The following GUCA1A variants were observed in gnomAD, a reference collection of about 807,000 sequenced individuals.
The protein encoded by GUCA1A is guanylyl cyclase-activating protein 1.
Under a neutral mutation model 18.5 loss-of-function variants are expected in GUCA1A, and 14 were observed. That is an observed-to-expected ratio of 0.76 (90% CI 0.50 to 1.18). The LOEUF (loss-of-function observed/expected upper bound fraction) is 1.18. Ranked by LOEUF, GUCA1A falls within the 50% of genes most tolerant of loss-of-function variation. GUCA1A has a pLI of 0.00. For synonymous variants in GUCA1A, 97 were observed against 100.2 expected (o/e 0.97, Z 0.19); for missense variants, 264 against 262.4 (o/e 1.01, Z -0.04).
chr6:42,179,472 G>T lies in GUCA1A; in HGVS notation c.*69G>T, dbSNP rs1768062505. ...GGTGGTGCCTGTTGGTGGTGTTCTTGTCTTAACCCTAGATAGAATCTAATG... is the reference window on the plus strand; with the variant it reads ...GGTGGTGCCTGTTGGTGGTGTTCTTTTCTTAACCCTAGATAGAATCTAATG... On this transcript the variant is annotated 3_prime_UTR_variant, in exon 4 of 4. Transcript: ENST00000372958. 7.7e-7 allele frequency: 1 copy of T among 1,293,798 alleles called. No individual in the cohort carries two copies. Among genetic ancestry groups the T allele is most frequent in the Non-Finnish European group, 1.1e-6 (1 of 942,640 alleles). The allele number at this position is 1,293,798 out of a possible 1,614,324, so 80.1% of individuals were successfully genotyped here. A position where few individuals can be genotyped will look rare whatever the true frequency, so the allele number is the denominator to read the frequency against.
chr6:42,175,353 C>CTTTTTTTT (rs10559617), intron 1 of GUCA1A, among the ~76,000 whole-genome samples: 8 of 63,930 alleles, frequency 1.3e-4, no homozygotes, highest in Admixed American at 2.5e-4. Context: ...CTAATCATGT[C>CTTTTTTTT]TTTTTTTTTT....
Position 42,173,698 on chromosome 6 carries a change from T to C in GUCA1A, c.85T>C (p.Cys29Arg), listed in dbSNP as rs199885693. The C allele has an allele frequency of 6.2e-6, 10 of 1,613,852 alleles. No individual in the cohort carries two copies. In the African/African-American group the frequency reaches 9.3e-5, roughly 15 times the overall value. ...GTGGTACAAGAAGTTCATGACTGAG[T>C]GCCCCTCTGGCCAACTCACCCTCTA... is the stretch of plus-strand genomic sequence containing the variant. ...HQWYKKFMTE[C>R]PSGQLTLYEF... Residue 29 changes from cysteine to arginine, a missense_variant, in exon 1 of 4, where the codon TGC becomes CGC. Transcript: ENST00000372958.
intron 1 of GUCA1A, among the ~76,000 whole-genome samples, chr6:42,175,686 C>G (rs563477701): frequency 7.1e-4 from 108 of 152,176 alleles, no homozygotes; most frequent in Middle Eastern, 3.4e-3. Context: ...AATGTGTGTC[C>G]CATGCGAGCA....
At chr6:42,177,292 T>C (rs1767982444) in intron 1 of GUCA1A, among the ~76,000 whole-genome samples, 1 of 152,166 alleles carries the variant, frequency 6.6e-6, no homozygotes, top group South Asian at 2.1e-4. Context: ...TATTCACCTC[T>C]TGGGGGTGGC....
chr6:42,176,649 G>A (rs1252483650), intron 1 of GUCA1A, among the ~76,000 whole-genome samples: 1 of 152,096 alleles, frequency 6.6e-6, no homozygotes, highest in Non-Finnish European at 1.5e-5. Flanking sequence ...GGCCAGGCTG[G>A]TCTCGAACTC....
intron 1 of GUCA1A, among the ~76,000 whole-genome samples, chr6:42,176,784 C>A (rs539334439): frequency 6.6e-6 from 1 of 152,132 alleles, no homozygotes; most frequent in African/African-American, 2.4e-5. Context: ...AATGACAGCA[C>A]ACAGGCCTGT....
At position 42,178,514 on chromosome 6, in the gene GUCA1A, G is replaced by A. The variant is rs1768022420; in HGVS notation, c.351+85G>A. On this transcript the variant is annotated intron_variant, in intron 2 of 3. Transcript: ENST00000372958. ...GCCCAGGGTTAGAACAACAATCTCAGGATTGAGACAGGATGTGGGACTGAG... is the reference window on the plus strand; with the variant it reads ...GCCCAGGGTTAGAACAACAATCTCAAGATTGAGACAGGATGTGGGACTGAG... The A allele has an allele frequency of 6.2e-6, 8 of 1,283,106 alleles. No individual in the cohort carries two copies. The Admixed American group carries it at 1.2e-4, about 19-fold the overall frequency. 79.5% of individuals were successfully genotyped at this position (1,283,106 alleles called of 1,614,324 possible). A position where few individuals can be genotyped will look rare whatever the true frequency, so the allele number is the denominator to read the frequency against.
Position 42,179,156 on chromosome 6 carries a change from C to A in GUCA1A, c.446-87C>A. ...GACTTCTCCTCACGTGGGCTCTGTC[C>A]CTGCCCCTGGCAAGAACCCGGTTCT... On this transcript the variant is annotated intron_variant, in intron 3 of 3. Transcript: ENST00000372958. The A allele has an allele frequency of 3.2e-6, 4 of 1,268,424 alleles. No individual in the cohort carries two copies. In the South Asian group the frequency reaches 4.8e-5, roughly 15 times the overall value. The allele number at this position is 1,268,424 out of a possible 1,614,324, so 78.6% of individuals were successfully genotyped here. A position where few individuals can be genotyped will look rare whatever the true frequency, so the allele number is the denominator to read the frequency against.
rs1582317945 is a variant in GUCA1A, at chr6:42,173,470, T to C, written c.-144T>C. 5 of 700,198 alleles carry C rather than the reference T, an allele frequency of 7.1e-6. No individual in the cohort carries two copies. In the East Asian group the frequency reaches 1.3e-4, roughly 19 times the overall value. The allele number at this position is 700,198 out of a possible 1,614,324, so 43.4% of individuals were successfully genotyped here. A position where few individuals can be genotyped will look rare whatever the true frequency, so the allele number is the denominator to read the frequency against. On this transcript the variant is annotated 5_prime_UTR_variant, in exon 1 of 4. Coordinates refer to ENST00000372958, the MANE Select transcript of GUCA1A (RefSeq NM_001384910.1). ...CTCCACATTTCCCGGTACCATCTGA[T>C]CCATCAGGCCCTTCTTTGCTCAGGC... is the stretch of plus-strand genomic sequence containing the variant.
rs374750090 is a variant in GUCA1A at position 42,178,234 on chromosome 6, T to A, written c.202-46T>A. 13 of 1,609,754 alleles carry A rather than the reference T, an allele frequency of 8.1e-6. No individual in the cohort carries two copies. The African/African-American group carries it at 1.5e-4, about 18-fold the overall frequency. On this transcript the variant is annotated intron_variant, in intron 1 of 3. Coordinates refer to ENST00000372958, the MANE Select transcript of GUCA1A (RefSeq NM_001384910.1). ...TGATGGGCGGGGCCTGAGGCTGGAG[T>A]GAGCGGGGCCCGGATGGGCTCACGG...
At chr6:42,174,402 C>G (rs1034338169) in intron 1 of GUCA1A, among the ~76,000 whole-genome samples, 1 of 152,166 alleles carries the variant, frequency 6.6e-6, no homozygotes, top group Non-Finnish European at 1.5e-5. Context: ...TTGCCTGGTC[C>G]CTGGAGAACC....
At chr6:42,176,863 C>G (rs1180491852) in intron 1 of GUCA1A, among the ~76,000 whole-genome samples, 1 of 152,204 alleles carries the variant, frequency 6.6e-6, no homozygotes. Context: ...TCTATGGCTG[C>G]TTTCACGTAA....
intron 1 of GUCA1A, 133 bp downstream of exon 1, chr6:42,173,947 AT>A: frequency 3.0e-6 from 2 of 674,630 alleles, no homozygotes; most frequent in South Asian, 3.5e-5. Flanking sequence ...TTATACAGTC[AT>A]TTGTTTATTT....
In GUCA1A at chr6:42,178,433, C is replaced by CA; in HGVS notation, c.351+5dup. 3.1e-6 allele frequency: 5 copies of CA among 1,613,204 alleles called. No homozygotes were observed. Among genetic ancestry groups the CA allele is most frequent in the Non-Finnish European group, 4.2e-6 (5 of 1,179,424 alleles). ...TGAGCTGCTCACCATCATCCAGGTG[C>CA]AGAGGGCCCGGCCAGGGCTGGGGGC... On this transcript the variant is annotated splice_donor_region_variant and intron_variant, in intron 2 of 3. Coordinates refer to ENST00000372958, the MANE Select transcript of GUCA1A (RefSeq NM_001384910.1).
At chr6:42,175,626 T>C (rs1050008796) in intron 1 of GUCA1A, among the ~76,000 whole-genome samples, 1 of 152,050 alleles carries the variant, frequency 6.6e-6, no homozygotes, top group Non-Finnish European at 1.5e-5. Context: ...CGGCCTCCCA[T>C]AGTGCTGGGA....
At position 42,178,283 on chromosome 6, in the gene GUCA1A, G is replaced by T. The variant is rs146354667; in HGVS notation, c.205G>T (p.Gly69Cys). ...GGCGGCCGCGCCCCTCGCCCAGGACGGCTACATTGATTTCATGGAGTACGT... is the reference window on the plus strand; with the variant it reads ...GGCGGCCGCGCCCCTCGCCCAGGACTGCTACATTGATTTCATGGAGTACGT... ...MFETFDFNKD[G>C]YIDFMEYVAA... Residue 69 changes from glycine (G) to cysteine (C), a missense_variant, in exon 2 of 4, where the codon GGC becomes TGC. Transcript: ENST00000372958. 682 of 1,613,816 alleles carry T rather than the reference G, an allele frequency of 4.2e-4. 7 individuals are homozygous for T. In the African/African-American group the frequency reaches 8.2e-3, roughly 19 times the overall value.
intron 1 of GUCA1A, among the ~76,000 whole-genome samples, chr6:42,177,801 C>T (rs1336828088): frequency 6.6e-6 from 1 of 152,126 alleles, no homozygotes; most frequent in Non-Finnish European, 1.5e-5. Context: ...TAAGGCCTTC[C>T]GGGGGCCTCA....
At position 42,173,439 on chromosome 6, in the gene GUCA1A, C is replaced by T; in HGVS notation, c.-175C>T. The T allele has an allele frequency of 1.5e-6, 1 of 659,458 alleles. No individual in the cohort carries two copies. Among genetic ancestry groups the T allele is most frequent in the South Asian group, 1.7e-5 (1 of 59,390 alleles). 40.9% of individuals were successfully genotyped at this position (659,458 alleles called of 1,614,324 possible). A position where few individuals can be genotyped will look rare whatever the true frequency, so the allele number is the denominator to read the frequency against. ...GCCATCATCTTCTTCCTTCTGCTCT[C>T]TCCCTCTCCACATTTCCCGGTACCA... On this transcript the variant is annotated 5_prime_UTR_variant, in exon 1 of 4. Coordinates refer to ENST00000372958, the MANE Select transcript of GUCA1A (RefSeq NM_001384910.1).
chr6:42,173,396 C>G lies in GUCA1A; in HGVS notation c.-218C>G, dbSNP rs1160458191. The G allele has an allele frequency of 4.9e-6, 3 of 611,328 alleles. No individual in the cohort carries two copies. In the East Asian group the frequency reaches 8.4e-5, roughly 17 times the overall value. The allele number at this position is 611,328 out of a possible 1,614,324, so 37.9% of individuals were successfully genotyped here. A position where few individuals can be genotyped will look rare whatever the true frequency, so the allele number is the denominator to read the frequency against. On this transcript the variant is annotated 5_prime_UTR_variant, in exon 1 of 4. It adds an upstream start codon to the 5' untranslated region. Transcript: ENST00000372958. ...ACTCTTAACACCAGTTCTCTGGCAT[C>G]TGTGAGTTTGAGTGTGGGCCATCAT...
Sources: allele counts gnomAD v4.1 joint callset (sites outside exome capture counted in the v4.1 genomes callset), GRCh38; gene constraint gnomAD v4.1.1; transcripts MANE v1.5; gene names NCBI Gene and HGNC (gene_info 2026-07-23, HGNC 2026-07-21).